Variants in FRY observed in about 807,000 individuals in gnomAD.
The protein encoded by FRY is protein furry homolog.
Under a neutral mutation model 348.4 loss-of-function variants are expected in FRY, and 128 were observed. The observed-to-expected ratio is 0.37, with a 90% CI of 0.32 to 0.43. The LOEUF (loss-of-function observed/expected upper bound fraction) is 0.43, where lower values mean the gene tolerates loss of function less well. FRY is among the 20% of genes least tolerant of loss of function. The pLI is 1.00. For missense variants in FRY, 2,736 were observed against 3,695.2 expected, an observed-to-expected ratio of 0.74 and a Z score of 6.73; for synonymous variants, 1,370 against 1,374.7, an observed-to-expected ratio of 1.00 and a Z score of 0.08.
At position 32,294,424 on chromosome 13, in the gene FRY, T is replaced by C. The variant is rs757490127; in HGVS notation, c.8637T>C (p.Ser2879=). Residue 2879 remains serine, a synonymous_variant, in exon 60 of 61, where the codon AGT becomes AGC. Transcript: ENST00000542859. The stretch of plus-strand genomic sequence containing the variant: ...TAAAGAAACACCTGAAGGAAGCCAG[T>C]GCAGTCATTGCAGCTGACCCTCTCT... The part of the protein sequence containing the change: ...SDLKKHLKEA[S]AVIAADPLYS... 1.9e-6 allele frequency: 3 copies of C among 1,614,118 alleles called. No individual in the cohort carries two copies. The South Asian group carries it at 3.3e-5, about 18-fold the overall frequency.
At chr13:32,294,656 G>A (rs989176884) in intron 60 of FRY, 86 bp downstream of exon 60, 50 of 994,628 alleles carry the variant, frequency 5.0e-5, no homozygotes, top group Non-Finnish European at 7.0e-5. Context: ...AGCCCACTAC[G>A]GAAGGCTAGA....
At position 32,237,498 on chromosome 13, in the gene FRY, G is replaced by A; in HGVS notation, c.5930G>A (p.Arg1977Gln). 6 of 1,614,052 alleles carry A rather than the reference G, an allele frequency of 3.7e-6. No individual in the cohort carries two copies. The highest frequency in any genetic ancestry group is 1.1e-5 in the South Asian group (1 of 91,074). The stretch of plus-strand genomic sequence containing the variant: ...AACACCGCAACTGCCGAACGGAGCC[G>A]GCATCAACGAAGCTTCTCTGTGCCC... ...SGNTATAERS[R>Q]HQRSFSVPKK... Residue 1977 changes from arginine (R) to glutamine (Q), a missense_variant, in exon 44 of 61, where the codon CGG becomes CAG. This residue lies in a region of FRY where 794 missense variants were observed against 977.0 expected (regional missense o/e 0.81). Transcript: ENST00000542859. This position sits in a 1 kb window ranked among gnomAD's most constrained non-coding sequence, Gnocchi z 6.3.
rs1466298463 is a variant in FRY at position 32,032,015 on chromosome 13, TTCTTTCTTTTTC to T, written c.70+152_70+163del. The T allele has an allele frequency of 4.9e-6, 3 of 615,024 alleles. No individual in the cohort carries two copies. The African/African-American group carries it at 5.8e-5, about 12-fold the overall frequency. The allele number at this position is 615,024 out of a possible 1,614,324, so 38.1% of individuals were successfully genotyped here. ...TTTTCTTTTCTCTTTCTTTCTTTCT[TTCTTTCTTTTTC>T]TTTCTTTCTTTCTTTCTTTTTTTGC... On this transcript the variant is annotated intron_variant, in intron 1 of 60. Transcript: ENST00000542859.
rs1403172243 is a variant in FRY at position 32,241,010 on chromosome 13, G to C, written c.6687+1129G>C. Among the ~76,000 whole-genome samples, 3 of 152,114 alleles carry C rather than the reference G, an allele frequency of 2.0e-5. No homozygotes were observed. In the East Asian group the frequency reaches 5.8e-4, roughly 29 times the overall value. ...CTGTGTTCAGACTGTCAGCAGCCCA[G>C]GATTCACTTGCTATTTCCACATCCA... On this transcript the variant is annotated intron_variant, in intron 46 of 60. Coordinates refer to ENST00000542859, the MANE Select transcript of FRY (RefSeq NM_023037.3).
At chr13:32,188,980 C>T (rs558326620) in intron 28 of FRY, among the ~76,000 whole-genome samples, 11 of 152,046 alleles carry the variant, frequency 7.2e-5, no homozygotes, top group Non-Finnish European at 1.3e-4. Flanking sequence ...AATCGTCAGT[C>T]CTCTTTAATT....
At chr13:32,100,814 T>C (rs1877110524) in intron 2 of FRY, among the ~76,000 whole-genome samples, 2 of 152,162 alleles carry the variant, frequency 1.3e-5, no homozygotes, top group African/African-American at 4.8e-5. Flanking sequence ...CCCCCTTTCT[T>C]TATAGATGGT....
intron 29 of FRY, among the ~76,000 whole-genome samples, chr13:32,200,792 C>G (rs1028588639): frequency 6.6e-6 from 1 of 152,102 alleles, no homozygotes; most frequent in Non-Finnish European, 1.5e-5. Flanking sequence ...GTGTTCCTCT[C>G]CCCCCATCCC....
At chr13:32,080,037 G>C (rs899725090) in intron 2 of FRY, among the ~76,000 whole-genome samples, 1 of 152,162 alleles carries the variant, frequency 6.6e-6, no homozygotes, top group Non-Finnish European at 1.5e-5. Flanking sequence ...ACAACATAAG[G>C]TTTGGGAATC....
chr13:32,245,376 A>G (rs994594763), intron 47 of FRY, among the ~76,000 whole-genome samples: 3 of 152,066 alleles, frequency 2.0e-5, no homozygotes, highest in Non-Finnish European at 4.4e-5. Flanking sequence ...AGGCTGAGGC[A>G]AGAGGATCGC....
intron 2 of FRY, among the ~76,000 whole-genome samples, chr13:32,091,280 C>T: frequency 1.3e-5 from 2 of 152,180 alleles, no homozygotes; most frequent in Non-Finnish European, 2.9e-5. Context: ...CACCAGAAGT[C>T]CAGTGATCCA....
At chr13:32,146,180 CAT>C (rs1491473797) in intron 11 of FRY, among the ~76,000 whole-genome samples, 1,015 of 59,012 alleles carry the variant, frequency 0.017, 12 homozygotes, top group African/African-American at 0.091. Context: ...TCCCTCCCAC[CAT>C]TTTTTTTTTT....
chr13:32,053,921 C>T (rs1308127098), intron 1 of FRY, among the ~76,000 whole-genome samples: 1 of 151,992 alleles, frequency 6.6e-6, no homozygotes, highest in East Asian at 1.9e-4. Flanking sequence ...ACCCAGGATG[C>T]GGAGGTTGCA....
intron 51 of FRY, among the ~76,000 whole-genome samples, chr13:32,260,134 G>A (rs974166482): frequency 6.6e-6 from 1 of 152,110 alleles, no homozygotes; most frequent in Non-Finnish European, 1.5e-5. Flanking sequence ...GTTTCACTAG[G>A]AGACAGACAC....
At chr13:32,141,544 T>C (rs552794541) in intron 11 of FRY, among the ~76,000 whole-genome samples, 93 of 152,346 alleles carry the variant, frequency 6.1e-4, no homozygotes, top group Middle Eastern at 3.4e-3. Flanking sequence ...AGAAGCCTGT[T>C]ATAAATGCAA....
At chr13:32,143,571 A>G (rs1251655824) in intron 11 of FRY, among the ~76,000 whole-genome samples, 1 of 152,246 alleles carries the variant, frequency 6.6e-6, no homozygotes, top group Admixed American at 6.5e-5. Flanking sequence ...GATCTCGGTT[A>G]TGGTCTACAG....
chr13:32,204,241 T>C (rs1884220969), intron 31 of FRY, among the ~76,000 whole-genome samples: 2 of 152,194 alleles, frequency 1.3e-5, no homozygotes, highest in African/African-American at 4.8e-5. Flanking sequence ...TAAAGTGATC[T>C]AATGAAAACC....
intron 20 of FRY, among the ~76,000 whole-genome samples, chr13:32,177,032 G>A (rs935605146): frequency 1.3e-5 from 2 of 152,078 alleles, no homozygotes; most frequent in African/African-American, 4.8e-5. Context: ...ATTGACCATT[G>A]AGGCCACAAT....
chr13:32,268,151 G>A (rs1349420136), intron 55 of FRY, among the ~76,000 whole-genome samples: 2 of 152,096 alleles, frequency 1.3e-5, no homozygotes, highest in Non-Finnish European at 2.9e-5. Context: ...CTTAAATCTC[G>A]CTTGTTACCT....
At chr13:32,117,614 C>T in intron 4 of FRY, 141 bp downstream of exon 4, 1 of 811,552 alleles carries the variant, frequency 1.2e-6, no homozygotes, top group Non-Finnish European at 2.1e-6. Flanking sequence ...GGCCCTGTGT[C>T]TGTAGCAGGT....
Sources: allele counts gnomAD v4.1 joint callset (sites outside exome capture counted in the v4.1 genomes callset), GRCh38; gene constraint gnomAD v4.1.1; regional missense constraint gnomAD v4.1.1; non-coding constraint Gnocchi (gnomAD v3.1); transcripts MANE v1.5; gene names NCBI Gene and HGNC (gene_info 2026-07-23, HGNC 2026-07-21).